Variants in MAPK8 observed in about 807,000 individuals in gnomAD.
MAPK8 encodes the protein mitogen-activated protein kinase 8, also known as JUN N-terminal kinase.
A neutral mutation model predicts 52.9 loss-of-function variants in MAPK8; 13 were observed. The ratio of observed to expected loss-of-function variants is 0.25; its 90% CI spans 0.16 to 0.39. The LOEUF (loss-of-function observed/expected upper bound fraction) is 0.39, where lower values mean the gene tolerates loss of function less well. Ranked by LOEUF, MAPK8 falls within the 10% of genes least tolerant of loss-of-function variation. The pLI is 1.00. For synonymous variants in MAPK8, 191 were observed against 169.8 expected, an observed-to-expected ratio of 1.12 and a Z score of -0.97; for missense variants, 300 against 519.2, an observed-to-expected ratio of 0.58 and a Z score of 4.10.
chr10:48,426,176 A>G (rs1416339802), intron 8 of MAPK8, 106 bp downstream of exon 8: 5 of 1,114,676 alleles, frequency 4.5e-6, no homozygotes, highest in Admixed American at 2.8e-5. Flanking sequence ...CATGAACCCA[A>G]GGTTTTCTCT....
At position 48,400,189 on chromosome 10, in the gene MAPK8, C is replaced by A. The variant is rs139511709; in HGVS notation, c.-49-1423C>A. On this transcript the variant is annotated intron_variant, in intron 1 of 11. Coordinates refer to ENST00000374189, the MANE Select transcript of MAPK8 (RefSeq NM_001323329.2). Reference sequence around the variant, plus strand: ...GCTCCTTTCTTTATTATGGGCTGTCCACTTAAGAAGAATTTATGAGTCTTG... The same window carrying A: ...GCTCCTTTCTTTATTATGGGCTGTCAACTTAAGAAGAATTTATGAGTCTTG... Among the ~76,000 whole-genome samples the A allele has an allele frequency of 2.4e-3, 367 of 152,314 alleles. 1 individual carries two copies. The highest frequency in any genetic ancestry group is 8.3e-3 in the African/African-American group (347 of 41,562).
At chr10:48,423,738 A>G (rs896506360) in intron 6 of MAPK8, among the ~76,000 whole-genome samples, 2 of 152,142 alleles carry the variant, frequency 1.3e-5, no homozygotes, top group Non-Finnish European at 2.9e-5. Flanking sequence ...TAATTTTACT[A>G]CCTCATGTAC....
chr10:48,373,904 G>T (rs1421675841), intron 1 of MAPK8, among the ~76,000 whole-genome samples: 1 of 152,056 alleles, frequency 6.6e-6, no homozygotes, highest in African/African-American at 2.4e-5. Flanking sequence ...AGACCTAATA[G>T]ACGCCTACAG....
At chr10:48,425,569 G>A (rs1370512314) in intron 7 of MAPK8, 2 of 325,166 alleles carry the variant, frequency 6.2e-6, no homozygotes, top group Non-Finnish European at 1.1e-5. Context: ...GCAGTTTGCA[G>A]TTAGAGCCAC....
At chr10:48,403,653 A>G (rs972592776) in intron 2 of MAPK8, among the ~76,000 whole-genome samples, 3 of 152,152 alleles carry the variant, frequency 2.0e-5, no homozygotes, top group Non-Finnish European at 4.4e-5. Context: ...AACCAACCAT[A>G]AATTAAATTT....
At chr10:48,411,394 G>A (rs902767831) in intron 5 of MAPK8, among the ~76,000 whole-genome samples, 12 of 152,158 alleles carry the variant, frequency 7.9e-5, no homozygotes, top group Non-Finnish European at 1.6e-4. Flanking sequence ...GAATGGTCTT[G>A]GCACCCCTGT....
chr10:48,389,527 A>G (rs1428517050), intron 1 of MAPK8, among the ~76,000 whole-genome samples: 2 of 152,210 alleles, frequency 1.3e-5, no homozygotes, highest in African/African-American at 2.4e-5. Context: ...TGAAAACTGC[A>G]TAAACAGCAA....
intron 1 of MAPK8, among the ~76,000 whole-genome samples, chr10:48,316,923 A>C (rs980569965): frequency 6.6e-6 from 1 of 152,216 alleles, no homozygotes; most frequent in Non-Finnish European, 1.5e-5. Context: ...AAGTATCCAG[A>C]CTATCCTAAT....
chr10:48,409,054 T>C lies in MAPK8; in HGVS notation c.253-825T>C, dbSNP rs369023469. Among the ~76,000 whole-genome samples, 129 of 152,224 alleles carry C rather than the reference T, an allele frequency of 8.5e-4. 1 individual carries two copies. Among genetic ancestry groups the C allele is most frequent in the Middle Eastern group, 3.4e-3 (1 of 294 alleles). Reference sequence around the variant, plus strand: ...GGCCCCATTTCCAAATACTATCACATTGGGTGCTAGGAGTTAAACATATGA... The same window carrying C: ...GGCCCCATTTCCAAATACTATCACACTGGGTGCTAGGAGTTAAACATATGA... On this transcript the variant is annotated intron_variant, in intron 3 of 11. Coordinates refer to ENST00000374189, the MANE Select transcript of MAPK8 (RefSeq NM_001323329.2).
intron 1 of MAPK8, among the ~76,000 whole-genome samples, chr10:48,343,319 T>A (rs577731670): frequency 6.6e-6 from 1 of 152,280 alleles, no homozygotes; most frequent in Non-Finnish European, 1.5e-5. Context: ...TCACTCCAGT[T>A]ACTGCCTACA....
chr10:48,397,105 G>C (rs1265934588), intron 1 of MAPK8, among the ~76,000 whole-genome samples: 1 of 151,192 alleles, frequency 6.6e-6, no homozygotes, highest in Non-Finnish European at 1.5e-5. Context: ...ATTTTCCTCA[G>C]ATTTCAAAAG....
chr10:48,425,582 T>G, intron 7 of MAPK8: 3 of 327,222 alleles, frequency 9.2e-6, no homozygotes, highest in Non-Finnish European at 1.6e-5. Flanking sequence ...AGAGCCACTA[T>G]GGATAGTAAT....
rs1270689703 is a variant in MAPK8, at chr10:48,427,636, C to T, written c.1060+493C>T. On this transcript the variant is annotated intron_variant, in intron 10 of 11. Transcript: ENST00000374189. ...CCTCCTGAGTAGCTGGGACTACAGG[C>T]GCCTGCCATCACACCCGGCTAATTT... 5.9e-5 allele frequency among the ~76,000 whole-genome samples: 9 copies of T among 152,186 alleles called. No individual in the cohort carries two copies. In the East Asian group the frequency reaches 7.7e-4, roughly 13 times the overall value.
intron 1 of MAPK8, among the ~76,000 whole-genome samples, chr10:48,396,088 A>C (rs1158027899): frequency 6.6e-6 from 1 of 152,102 alleles, no homozygotes; most frequent in Non-Finnish European, 1.5e-5. Context: ...AAAGGAGAAA[A>C]AAATAATGAC....
intron 1 of MAPK8, among the ~76,000 whole-genome samples, chr10:48,352,662 C>G (rs1230191148): frequency 6.6e-6 from 1 of 152,158 alleles, no homozygotes; most frequent in Non-Finnish European, 1.5e-5. Flanking sequence ...CAGCATCATA[C>G]CTGATGAAAG....
In MAPK8 at chr10:48,435,952, CTGGTCTT is replaced by C. The variant is rs1347552073; in HGVS notation, c.*925_*931del. 3 of 152,240 alleles carry C rather than the reference CTGGTCTT, an allele frequency of 2.0e-5. No homozygotes were observed. Among genetic ancestry groups the C allele is most frequent in the African/African-American group, 7.2e-5 (3 of 41,454 alleles). The allele number at this position is 152,240 out of a possible 1,614,324, so 9.4% of individuals were successfully genotyped here. A position where few individuals can be genotyped will look rare whatever the true frequency, so the allele number is the denominator to read the frequency against. ...GTAGGTCCCAGCAATGTTCTAGAGTCTGGTCTTTCCCTTTCCTGCAGCTTCGGGTCCT... is the reference window on the plus strand; with the variant it reads ...GTAGGTCCCAGCAATGTTCTAGAGTCTCCCTTTCCTGCAGCTTCGGGTCCT... On this transcript the variant is annotated 3_prime_UTR_variant, in exon 12 of 12. Transcript: ENST00000374189.
chr10:48,414,465 T>TTC (rs1554833129), intron 5 of MAPK8, among the ~76,000 whole-genome samples: 1 of 151,020 alleles, frequency 6.6e-6, no homozygotes, highest in South Asian at 2.1e-4. Context: ...TTTTTTTTTT[T>TTC]CCTGAGAGAC....
At chr10:48,420,727 G>A (rs2043306403) in intron 6 of MAPK8, among the ~76,000 whole-genome samples, 1 of 152,176 alleles carries the variant, frequency 6.6e-6, no homozygotes, top group African/African-American at 2.4e-5. Context: ...AAAGCTCATA[G>A]CAGTAGCACT....
At chr10:48,434,777 C>T (rs977355942) in intron 11 of MAPK8, 107 bp from the exon 12 acceptor site, 84 of 967,894 alleles carry the variant, frequency 8.7e-5, no homozygotes, top group Non-Finnish European at 1.1e-4. Context: ...AGTGAGCCTT[C>T]GAAACCCAAG....
Sources: allele counts gnomAD v4.1 joint callset (sites outside exome capture counted in the v4.1 genomes callset), GRCh38; gene constraint gnomAD v4.1.1; transcripts MANE v1.5; gene names NCBI Gene and HGNC (gene_info 2026-07-23, HGNC 2026-07-21).